The following ASH1L variants were observed in gnomAD, a reference collection of about 807,000 sequenced individuals.
ASH1L encodes the protein ASH1 like histone lysine methyltransferase.
A neutral mutation model predicts 269.0 loss-of-function variants in ASH1L; 23 were observed. The ratio of observed to expected loss-of-function variants is 0.09; its 90% CI spans 0.06 to 0.12. The LOEUF (loss-of-function observed/expected upper bound fraction) is 0.12, where lower values mean the gene tolerates loss of function less well. ASH1L is among the 10% of genes least tolerant of loss of function. ASH1L has a pLI of 1.00. For missense variants in ASH1L, 2,912 were observed against 3,567.8 expected (o/e 0.82, Z 4.68); for synonymous variants, 1,187 against 1,253.5 (o/e 0.95, Z 1.12).
At chr1:155,543,947 C>A (rs1364442972) in intron 1 of ASH1L, among the ~76,000 whole-genome samples, 1 of 152,010 alleles carries the variant, frequency 6.6e-6, no homozygotes, top group Non-Finnish European at 1.5e-5. Flanking sequence ...TCAAAAAAAA[C>A]ACAACAAAAC....
intron 2 of ASH1L, among the ~76,000 whole-genome samples, chr1:155,515,535 T>C (rs929979979): frequency 2.0e-5 from 3 of 152,042 alleles, no homozygotes; most frequent in Non-Finnish European, 4.4e-5. Context: ...GATTTAAAAT[T>C]CATGGTCAAT....
chr1:155,397,906 T>C (rs1165526641), intron 6 of ASH1L, among the ~76,000 whole-genome samples: 1 of 152,198 alleles, frequency 6.6e-6, no homozygotes, highest in Non-Finnish European at 1.5e-5. Flanking sequence ...CATCATGTGC[T>C]TTAGGAAAAT....
intron 7 of ASH1L, among the ~76,000 whole-genome samples, chr1:155,388,715 C>CTTTTTTTTTTTTTTT (rs142537672): frequency 3.0e-5 from 4 of 131,694 alleles, no homozygotes; most frequent in African/African-American, 1.2e-4. Flanking sequence ...AATTGCGATT[C>CTTTTTTTTTTTTTTT]TTTTTTTTTT....
At chr1:155,548,200 C>T (rs972095621) in intron 1 of ASH1L, among the ~76,000 whole-genome samples, 5 of 152,044 alleles carry the variant, frequency 3.3e-5, no homozygotes, top group Admixed American at 2.0e-4. Context: ...AACCTGAGGA[C>T]GAGTAACTAA....
intron 4 of ASH1L, among the ~76,000 whole-genome samples, chr1:155,449,849 G>A (rs761671899): frequency 4.6e-5 from 7 of 151,832 alleles, no homozygotes; most frequent in Non-Finnish European, 8.8e-5. Flanking sequence ...TTTCCCATTG[G>A]TTGACAATTT....
intron 1 of ASH1L, among the ~76,000 whole-genome samples, chr1:155,543,509 CAA>C (rs34813767): frequency 1.7e-4 from 10 of 57,426 alleles, no homozygotes; most frequent in Admixed American, 3.9e-4. Context: ...GACTCTGTCT[CAA>C]AAAAAAAAAA....
intron 3 of ASH1L, 55 bp from the exon 4 acceptor site, chr1:155,459,953 G>A: frequency 7.4e-7 from 1 of 1,355,260 alleles, no homozygotes; most frequent in South Asian, 1.4e-5. Flanking sequence ...TAAAAATAAT[G>A]TGAAACCATC....
intron 10 of ASH1L, among the ~76,000 whole-genome samples, chr1:155,374,841 G>A (rs1046790917): frequency 1.3e-4 from 20 of 151,648 alleles, no homozygotes; most frequent in African/African-American, 4.8e-4. Flanking sequence ...TTTGACACAG[G>A]GTCTCACTCT....
intron 5 of ASH1L, among the ~76,000 whole-genome samples, chr1:155,426,797 C>T (rs1431601931): frequency 1.3e-5 from 2 of 152,138 alleles, no homozygotes; most frequent in Middle Eastern, 3.2e-3. Flanking sequence ...CTAGGCTACA[C>T]AGTTCATCTG....
At chr1:155,511,751 A>G (rs1482339772) in intron 2 of ASH1L, among the ~76,000 whole-genome samples, 2 of 151,980 alleles carry the variant, frequency 1.3e-5, no homozygotes, top group Non-Finnish European at 1.5e-5. Flanking sequence ...TGATCCACCC[A>G]CCTTGGCCTC....
intron 3 of ASH1L, among the ~76,000 whole-genome samples, chr1:155,472,261 G>C (rs577378181): frequency 5.9e-5 from 9 of 152,290 alleles, no homozygotes; most frequent in South Asian, 2.1e-4. Context: ...CTGAACTCTA[G>C]CCTGGATGAC....
intron 12 of ASH1L, among the ~76,000 whole-genome samples, chr1:155,367,767 T>C (rs980147613): frequency 6.6e-6 from 1 of 152,240 alleles, no homozygotes; most frequent in Non-Finnish European, 1.5e-5. Flanking sequence ...ACACTGATTT[T>C]TGAATGTTAA....
At chr1:155,461,615 C>T (rs1386170821) in intron 3 of ASH1L, among the ~76,000 whole-genome samples, 1 of 151,844 alleles carries the variant, frequency 6.6e-6, no homozygotes, top group Non-Finnish European at 1.5e-5. Flanking sequence ...AATAAAAAGC[C>T]CAGGCATCAG....
chr1:155,463,269 CTATGGAGTAAAGCATCCTTGGG>C lies in ASH1L; in HGVS notation c.4985-3393_4985-3372del, dbSNP rs570222866. The stretch of plus-strand genomic sequence containing the variant: ...TGCGATATCGTGTTCAGTACATGGA[CTATGGAGTAAAGCATCCTTGGG>C]TTTGACTCCTGGCTCTGCTACAAAT... On this transcript the variant is annotated intron_variant, in intron 3 of 27. Transcript: ENST00000392403. Among the ~76,000 whole-genome samples the C allele has an allele frequency of 1.0e-3, 157 of 152,208 alleles. 1 individual carries two copies. Among genetic ancestry groups the C allele is most frequent in the Admixed American group, 9.6e-3 (147 of 15,288 alleles).
chr1:155,495,607 G>A (rs917189786), intron 2 of ASH1L, among the ~76,000 whole-genome samples: 2 of 152,212 alleles, frequency 1.3e-5, no homozygotes, highest in Non-Finnish European at 2.9e-5. Flanking sequence ...CTCAGTGACT[G>A]TGAAGGGCTA....
intron 13 of ASH1L, among the ~76,000 whole-genome samples, 182 bp downstream of exon 13, chr1:155,360,119 A>G (rs1226052649): frequency 6.6e-6 from 1 of 151,958 alleles, no homozygotes; most frequent in Non-Finnish European, 1.5e-5. Flanking sequence ...TGAAATTCTG[A>G]GCTCAAGTGA....
At chr1:155,453,456 C>G (rs1254969952) in intron 4 of ASH1L, among the ~76,000 whole-genome samples, 1 of 152,152 alleles carries the variant, frequency 6.6e-6, no homozygotes, top group East Asian at 1.9e-4. Context: ...TCATTCCATA[C>G]CGTCATAATA....
At chr1:155,361,864 C>T (rs1654978030) in intron 12 of ASH1L, among the ~76,000 whole-genome samples, 1 of 137,854 alleles carries the variant, frequency 7.3e-6, no homozygotes, top group South Asian at 2.3e-4. Flanking sequence ...CAGAGCGAGA[C>T]TCCGTCTCAA....
At chr1:155,383,537 G>A (rs1571061122) in intron 7 of ASH1L, among the ~76,000 whole-genome samples, 1 of 152,198 alleles carries the variant, frequency 6.6e-6, no homozygotes, top group East Asian at 1.9e-4. Flanking sequence ...TAGCTTAGGA[G>A]CAAGAGGCTA....
Sources: gnomAD v4.1 joint callset for allele counts (sites outside exome capture counted in the v4.1 genomes callset) on GRCh38, gnomAD v4.1.1 for gene constraint, MANE v1.5 for transcripts, NCBI Gene and HGNC (gene_info 2026-07-23, HGNC 2026-07-21) for gene names.